MAGI2: variants seen among roughly 807,000 people sequenced by gnomAD.
MAGI2 encodes the protein membrane-associated guanylate kinase, WW and PDZ domain-containing protein 2.
MAGI2 carries 35 observed loss-of-function variants against 133.3 expected under a neutral mutation model. That is an observed-to-expected ratio of 0.26 (90% CI 0.20 to 0.35). The LOEUF (loss-of-function observed/expected upper bound fraction) is 0.35, where lower values mean the gene tolerates loss of function less well. Ranked by LOEUF, MAGI2 falls within the 10% of genes least tolerant of loss-of-function variation. The pLI is 1.00. For missense variants in MAGI2, 1,636 were observed against 1,863.4 expected (o/e 0.88, Z 2.25); for synonymous variants, 729 against 710.6 (o/e 1.03, Z -0.41).
intron 2 of MAGI2, among the ~76,000 whole-genome samples, chr7:78,783,251 T>C (rs1340203480): frequency 6.6e-6 from 1 of 152,098 alleles, no homozygotes; most frequent in East Asian, 1.9e-4. Context: ...AATGTAGAGA[T>C]TTAGACACAT....
intron 1 of MAGI2, among the ~76,000 whole-genome samples, chr7:79,361,072 T>C (rs1842347945): frequency 6.6e-6 from 1 of 152,160 alleles, no homozygotes; most frequent in South Asian, 2.1e-4. Context: ...GGCTAATTAA[T>C]ATCCAGTGAA....
At chr7:78,572,664 T>C (rs1472134309) in intron 3 of MAGI2, among the ~76,000 whole-genome samples, 1 of 151,992 alleles carries the variant, frequency 6.6e-6, no homozygotes, top group Non-Finnish European at 1.5e-5. Context: ...TTATATTTAT[T>C]TATTTATTTA....
At chr7:78,987,877 A>G (rs980156174) in intron 2 of MAGI2, among the ~76,000 whole-genome samples, 4 of 151,986 alleles carry the variant, frequency 2.6e-5, no homozygotes, top group African/African-American at 9.7e-5. Context: ...AGGAAAAAAG[A>G]TTTATAATTA....
chr7:79,410,752 C>A (rs1055556544), intron 1 of MAGI2: 1 of 152,036 alleles, frequency 6.6e-6, no homozygotes. Flanking sequence ...AAATTACTTT[C>A]CAACTTAACT....
intron 5 of MAGI2, among the ~76,000 whole-genome samples, chr7:78,493,005 A>C (rs1793762242): frequency 6.6e-6 from 1 of 152,178 alleles, no homozygotes; most frequent in South Asian, 2.1e-4. Context: ...GTGGATATTT[A>C]AGTTCAGTCA....
chr7:78,979,888 G>A (rs937552506), intron 2 of MAGI2, among the ~76,000 whole-genome samples: 1 of 151,862 alleles, frequency 6.6e-6, no homozygotes, highest in East Asian at 1.9e-4. Flanking sequence ...GTAAATCTAA[G>A]ACAATTTCAA....
chr7:79,033,303 T>G (rs1810786952), intron 1 of MAGI2, among the ~76,000 whole-genome samples: 1 of 152,158 alleles, frequency 6.6e-6, no homozygotes, highest in South Asian at 2.1e-4. Flanking sequence ...TCTTAAAGGT[T>G]TTACACCATT....
At chr7:78,144,039 G>A (rs935352065) in intron 16 of MAGI2, among the ~76,000 whole-genome samples, 11 of 151,256 alleles carry the variant, frequency 7.3e-5, no homozygotes, top group African/African-American at 2.2e-4. Context: ...GACAATTTAA[G>A]AGACTTATAG....
intron 2 of MAGI2, among the ~76,000 whole-genome samples, chr7:78,639,688 G>T (rs1810071122): frequency 6.6e-6 from 1 of 152,094 alleles, no homozygotes. Context: ...ATAGCTGACA[G>T]CCCCTTAATT....
chr7:78,341,539 C>T (rs1465859542), intron 9 of MAGI2, among the ~76,000 whole-genome samples: 3 of 152,162 alleles, frequency 2.0e-5, no homozygotes, highest in African/African-American at 2.4e-5. Flanking sequence ...GGAGGCATCA[C>T]ACTACATGCC....
intron 21 of MAGI2, among the ~76,000 whole-genome samples, chr7:78,065,842 A>C (rs1375592320): frequency 6.6e-6 from 1 of 152,266 alleles, no homozygotes. Flanking sequence ...AGCATGCAGC[A>C]AGTGAAATTA....
At chr7:79,088,442 T>C (rs1417834520) in intron 1 of MAGI2, among the ~76,000 whole-genome samples, 2 of 152,112 alleles carry the variant, frequency 1.3e-5, no homozygotes, top group South Asian at 2.1e-4. Context: ...AAATATACAA[T>C]CATGTCATCT....
chr7:79,075,590 A>C (rs1254288542), intron 1 of MAGI2, among the ~76,000 whole-genome samples: 4 of 151,736 alleles, frequency 2.6e-5, no homozygotes, highest in Non-Finnish European at 5.9e-5. Flanking sequence ...GCAAGACCCC[A>C]TCTCTACAAA....
At chr7:78,427,026 G>T (rs1299563554) in intron 6 of MAGI2, among the ~76,000 whole-genome samples, 2 of 152,102 alleles carry the variant, frequency 1.3e-5, no homozygotes, top group Non-Finnish European at 2.9e-5. Flanking sequence ...CATTTTACAT[G>T]AAATAATATA....
At chr7:78,794,718 C>T (rs1583916854) in intron 2 of MAGI2, among the ~76,000 whole-genome samples, 3 of 151,766 alleles carry the variant, frequency 2.0e-5, no homozygotes, top group Admixed American at 2.0e-4. Context: ...CTTATTTTCT[C>T]TACTGATCAA....
intron 1 of MAGI2, among the ~76,000 whole-genome samples, chr7:79,423,366 T>C (rs886186982): frequency 1.5e-5 from 2 of 137,424 alleles, no homozygotes; most frequent in Admixed American, 1.4e-4. Flanking sequence ...TCCAAAATCA[T>C]CTGATTTCAA....
At chr7:78,634,510 C>A (rs1257276866) in intron 2 of MAGI2, among the ~76,000 whole-genome samples, 3 of 152,152 alleles carry the variant, frequency 2.0e-5, no homozygotes, top group Non-Finnish European at 4.4e-5. Context: ...GTGAACACCT[C>A]TTTGGAAAGT....
chr7:78,172,649 T>C (rs1826224707), intron 14 of MAGI2, among the ~76,000 whole-genome samples: 1 of 152,236 alleles, frequency 6.6e-6, no homozygotes, highest in Admixed American at 6.5e-5. Flanking sequence ...AGCCGTGCTG[T>C]TGTGTTTAAT....
At chr7:78,470,499 T>G (rs1343047754) in intron 6 of MAGI2, among the ~76,000 whole-genome samples, 2 of 152,154 alleles carry the variant, frequency 1.3e-5, no homozygotes, top group African/African-American at 2.4e-5. Flanking sequence ...AGATCCTGTA[T>G]GTTTTTATTC....
Sources: allele counts gnomAD v4.1 joint callset (sites outside exome capture counted in the v4.1 genomes callset), GRCh38; gene constraint gnomAD v4.1.1; transcripts MANE v1.5; gene names NCBI Gene and HGNC (gene_info 2026-07-23, HGNC 2026-07-21).